BBS1: variants seen among roughly 807,000 people sequenced by gnomAD.
The protein encoded by BBS1 is BBSome complex member BBS1.
BBS1 carries 60 observed loss-of-function variants against 73.9 expected under a neutral mutation model. The ratio of observed to expected loss-of-function variants is 0.81; its 90% CI spans 0.66 to 1.01. The LOEUF is 1.01. Among genes scored for constraint, BBS1 ranks in the 50% least tolerant of loss-of-function variants. The probability of loss-of-function intolerance (pLI) is 0.00; values close to 1 mark genes in which losing one functional copy is unlikely to be tolerated. For missense variants in BBS1, 718 were observed against 770.3 expected, an observed-to-expected ratio of 0.93 and a Z score of 0.80; for synonymous variants, 283 against 317.4, an observed-to-expected ratio of 0.89 and a Z score of 1.15.
chr11:66,521,491 T>C (rs1419868775), intron 9 of BBS1, 115 bp downstream of exon 9: 2 of 831,200 alleles, frequency 2.4e-6, no homozygotes, highest in South Asian at 1.4e-5. Flanking sequence ...TGCAAAGAGC[T>C]GAGAACTTCA....
intron 14 of BBS1, among the ~76,000 whole-genome samples, chr11:66,530,382 CG>C (rs1303912350): frequency 2.6e-5 from 4 of 152,066 alleles, no homozygotes; most frequent in African/African-American, 9.7e-5. Context: ...GAGACCAGCA[CG>C]GGCAAAAGGA....
intron 3 of BBS1, among the ~76,000 whole-genome samples, chr11:66,512,610 T>A (rs1360098877): frequency 6.6e-6 from 1 of 152,180 alleles, no homozygotes; most frequent in Non-Finnish European, 1.5e-5. Context: ...ATTGATTGAA[T>A]ACCTAGTTTG....
chr11:66,532,009 C>G lies in BBS1; in HGVS notation c.1754C>G (p.Pro585Arg). The change falls in exon 17 of 17, where the codon CCT becomes CGT. Residue 585 changes from proline (P) to arginine (R), a missense_variant. Physicochemically the swap from Pro to Arg is moderately radical, Grantham distance 103. Coordinates refer to ENST00000318312, the MANE Select transcript of BBS1 (RefSeq NM_024649.5). Reference sequence around the variant, plus strand: ...CTGCTGAGTGCCCACGTCAACATGCCTGGGAGCGAGGGGCTGGCGGCCGCC... The same window carrying G: ...CTGCTGAGTGCCCACGTCAACATGCGTGGGAGCGAGGGGCTGGCGGCCGCC... Reference protein sequence around the residue: ...APLLSAHVNMPGSEGLAAA With the variant: ...APLLSAHVNMRGSEGLAAA 2 of 1,607,956 alleles carry G rather than the reference C, an allele frequency of 1.2e-6. No individual in the cohort carries two copies. The highest frequency in any genetic ancestry group is 1.1e-5 in the South Asian group (1 of 90,284).
chr11:66,523,960 C>T, intron 11 of BBS1, 78 bp downstream of exon 11: 1 of 1,579,476 alleles, frequency 6.3e-7, no homozygotes, highest in South Asian at 1.1e-5. Context: ...GCTGCCTCTT[C>T]CGACCACACA....
chr11:66,512,826 G>T (rs1237994177), intron 3 of BBS1, among the ~76,000 whole-genome samples: 1 of 152,020 alleles, frequency 6.6e-6, no homozygotes, highest in Non-Finnish European at 1.5e-5. Flanking sequence ...ACAAAAATCA[G>T]CCGGGCGTGG....
intron 2 of BBS1, 57 bp downstream of exon 2, chr11:66,511,146 G>A: frequency 1.2e-6 from 2 of 1,613,944 alleles, no homozygotes; most frequent in South Asian, 2.2e-5. Flanking sequence ...TCAGACAATG[G>A]TCCTGTAGTG....
intron 13 of BBS1, 124 bp from the exon 14 acceptor site, chr11:66,529,695 A>G: frequency 1.6e-6 from 2 of 1,241,812 alleles, no homozygotes; most frequent in Non-Finnish European, 2.3e-6. Flanking sequence ...GCTCCTGCAG[A>G]CTCCTCCTGC....
chr11:66,529,213 G>A, intron 13 of BBS1: 2 of 1,482,004 alleles, frequency 1.3e-6, no homozygotes, highest in Non-Finnish European at 1.8e-6. Context: ...GGGCCCTGGA[G>A]GTGGCTTGGG....
intron 7 of BBS1, among the ~76,000 whole-genome samples, chr11:66,519,233 C>T (rs567329129): frequency 1.3e-5 from 2 of 152,064 alleles, no homozygotes; most frequent in African/African-American, 2.4e-5. Context: ...TAGCTGGGCA[C>T]GGTGGCGTGC....
At chr11:66,511,949 G>A (rs2134767115) in intron 3 of BBS1, among the ~76,000 whole-genome samples, 1 of 149,874 alleles carries the variant, frequency 6.7e-6, no homozygotes, top group Non-Finnish European at 1.5e-5. Context: ...AGTGAGCTGA[G>A]ACCATGCCAC....
chr11:66,519,536 C>T, intron 7 of BBS1, 81 bp from the exon 8 acceptor site: 1 of 1,596,712 alleles, frequency 6.3e-7, no homozygotes, highest in Non-Finnish European at 8.6e-7. Flanking sequence ...TGCCCTCTTT[C>T]TTCCCTCATG....
At chr11:66,519,865 T>C (rs943013090) in intron 8 of BBS1, 117 bp downstream of exon 8, 1 of 1,374,206 alleles carries the variant, frequency 7.3e-7, no homozygotes, top group Non-Finnish European at 1.0e-6. Flanking sequence ...AGAAACTAGA[T>C]AAGCATTAAA....
intron 7 of BBS1, among the ~76,000 whole-genome samples, chr11:66,518,763 T>C (rs1453122279): frequency 1.3e-5 from 2 of 150,784 alleles, no homozygotes; most frequent in African/African-American, 4.9e-5. Context: ...TTTTCTTTTT[T>C]TTTTTTTTTT....
At chr11:66,512,010 A>ATATATATATGTGTATATATATG (rs1855959899) in intron 3 of BBS1, among the ~76,000 whole-genome samples, 2 of 143,230 alleles carry the variant, frequency 1.4e-5, no homozygotes, top group South Asian at 2.1e-4. Flanking sequence ...AAAAATATAT[A>ATATATATATGTGTATATATATG]TATATATATG....
intron 8 of BBS1, 101 bp from the exon 9 acceptor site, chr11:66,521,169 T>G: frequency 1.1e-6 from 1 of 876,596 alleles, no homozygotes; most frequent in Non-Finnish European, 1.9e-6. Context: ...AGTGAGGAGA[T>G]TGGGACTTTA....
intron 15 of BBS1, among the ~76,000 whole-genome samples, 169 bp from the exon 16 acceptor site, chr11:66,531,487 T>C (rs554217921): frequency 4.6e-5 from 7 of 152,292 alleles, no homozygotes; most frequent in South Asian, 4.1e-4. Context: ...CATGAGGCCC[T>C]GGGCCATTCA....
chr11:66,512,075 T>TATATGTGTGTATATATGTATATATACAC (rs1565280809), intron 3 of BBS1, among the ~76,000 whole-genome samples: 3 of 142,512 alleles, frequency 2.1e-5, no homozygotes, highest in African/African-American at 8.3e-5. Flanking sequence ...TATATATATA[T>TATATGTGTGTATATATGTATATATACAC]ACATATATTT....
intron 7 of BBS1, among the ~76,000 whole-genome samples, chr11:66,516,552 C>G (rs550646896): frequency 6.6e-6 from 1 of 151,674 alleles, no homozygotes; most frequent in African/African-American, 2.4e-5. Flanking sequence ...TTTTTAATCT[C>G]TTTTGGGGAA....
In BBS1 at chr11:66,514,706, C is replaced by T; in HGVS notation, c.432+28C>T. The T allele has an allele frequency of 1.9e-6, 3 of 1,605,466 alleles. No individual in the cohort carries two copies. In the South Asian group the frequency reaches 3.3e-5, roughly 18 times the overall value. ...AAATAAATAACATGGGAGTTGGGAA[C>T]CAGAAGGCAAAGATGGCAGCCACTG... On this transcript the variant is annotated intron_variant, in intron 4 of 16. Transcript: ENST00000318312.
Sources: allele counts gnomAD v4.1 joint callset (sites outside exome capture counted in the v4.1 genomes callset), GRCh38; gene constraint gnomAD v4.1.1; transcripts MANE v1.5; gene names NCBI Gene and HGNC (gene_info 2026-07-23, HGNC 2026-07-21).